SAG: variants seen among roughly 807,000 people sequenced by gnomAD.
The protein encoded by SAG is S-antigen visual arrestin, also known as S-arrestin.
In SAG, 45 loss-of-function variants were observed where a neutral mutation model predicts 55.0. The observed-to-expected ratio is 0.82, with a 90% CI of 0.64 to 1.05. SAG has a LOEUF of 1.05. Ranked by LOEUF, SAG falls within the 50% of genes least tolerant of loss-of-function variation. The pLI is 0.00. For synonymous variants in SAG, 189 were observed against 197.4 expected (o/e 0.96, Z 0.36); for missense variants, 455 against 512.1 (o/e 0.89, Z 1.08).
chr2:233,329,141 T>C lies in SAG; in HGVS notation c.649-352T>C, dbSNP rs535797727. The C allele has an allele frequency of 1.1e-3, 241 of 211,724 alleles. 1 individual carries two copies. The African/African-American group carries it at 0.019, about 17-fold the overall frequency. The allele number at this position is 211,724 out of a possible 1,614,324, so 13.1% of individuals were successfully genotyped here. A position where few individuals can be genotyped will look rare whatever the true frequency, so the allele number is the denominator to read the frequency against. ...CATTTGTGCACTGTGTGTATACACGTGTGTGGGTGTGCCAGGGGCTGTGTT... is the reference window on the plus strand; with the variant it reads ...CATTTGTGCACTGTGTGTATACACGCGTGTGGGTGTGCCAGGGGCTGTGTT... On this transcript the variant is annotated intron_variant, in intron 8 of 15. Coordinates refer to ENST00000409110, the MANE Select transcript of SAG (RefSeq NM_000541.5).
At chr2:233,322,215 T>G (rs926360603) in intron 5 of SAG, among the ~76,000 whole-genome samples, 3 of 150,366 alleles carry the variant, frequency 2.0e-5, no homozygotes, top group Non-Finnish European at 3.0e-5. Context: ...AAAAAGTGCT[T>G]CTCTTTCTAG....
intron 10 of SAG, chr2:233,331,931 A>C (rs979492017): frequency 4.2e-5 from 24 of 565,764 alleles, no homozygotes; most frequent in Non-Finnish European, 6.6e-5. Context: ...TCTGAGGATT[A>C]ATGCAAGCCA....
rs371555406 is a variant in SAG, at chr2:233,331,626, T to C, written c.734-14T>C. 37 of 1,604,340 alleles carry C rather than the reference T, an allele frequency of 2.3e-5. No individual in the cohort carries two copies. In the African/African-American group the frequency reaches 4.5e-4, roughly 20 times the overall value. On this transcript the variant is annotated splice_polypyrimidine_tract_variant and intron_variant, in intron 9 of 15. Coordinates refer to ENST00000409110, the MANE Select transcript of SAG (RefSeq NM_000541.5). ...ACCAGTGCTGACCACCGGACTCCCG[T>C]CTTCCCCTTGCAGTGGAACAGGTGG...
In SAG at chr2:233,340,550, C is replaced by T. The variant is rs1053467925; in HGVS notation, c.1046+72C>T. ...AGGCAGCAAACTTGGGGCTCCAAAA[C>T]GGTTTCTGATGAAAGCTGCTTTCTG... On this transcript the variant is annotated intron_variant, in intron 13 of 15. Coordinates refer to ENST00000409110, the MANE Select transcript of SAG (RefSeq NM_000541.5). The surrounding 1 kb of genome is among the most constrained non-coding windows in gnomAD (Gnocchi z 4.2). 99 of 1,261,024 alleles carry T rather than the reference C, an allele frequency of 7.9e-5. No individual in the cohort carries two copies. In the East Asian group the frequency reaches 1.3e-3, roughly 17 times the overall value. The allele number at this position is 1,261,024 out of a possible 1,614,324, so 78.1% of individuals were successfully genotyped here. A position where few individuals can be genotyped will look rare whatever the true frequency, so the allele number is the denominator to read the frequency against.
chr2:233,331,593 G>GT, intron 9 of SAG, 47 bp from the exon 10 acceptor site: 1 of 1,275,196 alleles, frequency 7.8e-7, no homozygotes, highest in South Asian at 1.2e-5. Flanking sequence ...AAGTGCACGT[G>GT]TTGGGGGACC....
chr2:233,326,862 G>A (rs1200773149), intron 6 of SAG, among the ~76,000 whole-genome samples: 3 of 152,202 alleles, frequency 2.0e-5, no homozygotes, highest in African/African-American at 7.2e-5. Flanking sequence ...GACTCTCCAC[G>A]GCAGCAGGAG....
At chr2:233,313,892 G>A (rs78386595) in intron 2 of SAG, among the ~76,000 whole-genome samples, 98 of 151,168 alleles carry the variant, frequency 6.5e-4, no homozygotes, top group African/African-American at 2.2e-3. Flanking sequence ...AAAAGGGGCT[G>A]TTTGCTAGGG....
At chr2:233,346,245 G>A (rs1268353744) in intron 14 of SAG, 158 bp from the exon 15 acceptor site, 7 of 658,806 alleles carry the variant, frequency 1.1e-5, no homozygotes, top group South Asian at 3.8e-5. Context: ...GGAATTACAC[G>A]CAGTGATCAT....
intron 3 of SAG, among the ~76,000 whole-genome samples, chr2:233,316,426 C>T (rs1320245332): frequency 6.6e-6 from 1 of 152,036 alleles, no homozygotes; most frequent in Non-Finnish European, 1.5e-5. Context: ...ATTCTTCTGC[C>T]TCAGCCTCCC....
Position 233,346,587 on chromosome 2 carries a change from C to T in SAG, c.1112+175C>T, listed in dbSNP as rs182098333. ...TGCTTACGGCACGCACGCACCATTA[C>T]ACTGGGTGTGCTTGCTCACTCTGCG... On this transcript the variant is annotated intron_variant, in intron 15 of 15. Coordinates refer to ENST00000409110, the MANE Select transcript of SAG (RefSeq NM_000541.5). Among the ~76,000 whole-genome samples the T allele has an allele frequency of 3.0e-4, 46 of 152,364 alleles. No homozygotes were observed. The East Asian group carries it at 4.4e-3, about 15-fold the overall frequency.
At chr2:233,308,185 T>C (rs1294437781) in intron 1 of SAG, among the ~76,000 whole-genome samples, 163 bp downstream of exon 1, 1 of 152,152 alleles carries the variant, frequency 6.6e-6, no homozygotes, top group African/African-American at 2.4e-5. Context: ...AGTGAGCGGG[T>C]GCAATGGCTC....
At position 233,319,864 on chromosome 2, in the gene SAG, C is replaced by T. The variant is rs911526449; in HGVS notation, c.182-766C>T. On this transcript the variant is annotated intron_variant, in intron 4 of 15. Coordinates refer to ENST00000409110, the MANE Select transcript of SAG (RefSeq NM_000541.5). The surrounding 1 kb of genome is among the most constrained non-coding windows in gnomAD (Gnocchi z 4.4). ...CTGAGTCAGCAGCGAAGGGCAGTTACCTTTGGGGCTTGCAGGCAAAATTCT... is the reference window on the plus strand; with the variant it reads ...CTGAGTCAGCAGCGAAGGGCAGTTATCTTTGGGGCTTGCAGGCAAAATTCT... 1.0e-6 allele frequency: 1 copy of T among 985,774 alleles called. No individual in the cohort carries two copies. The highest frequency in any genetic ancestry group is 1.2e-6 in the Non-Finnish European group (1 of 829,948). 61.1% of individuals were successfully genotyped at this position (985,774 alleles called of 1,614,324 possible).
intron 5 of SAG, 30 bp from the exon 6 acceptor site, chr2:233,322,915 TA>T: frequency 7.3e-7 from 1 of 1,364,680 alleles, no homozygotes; most frequent in Non-Finnish European, 1.0e-6. Flanking sequence ...CCTTCTGAAA[TA>T]AATGATTTTT....
chr2:233,322,036 C>T (rs866854686), intron 5 of SAG, among the ~76,000 whole-genome samples: 1 of 126,596 alleles, frequency 7.9e-6, no homozygotes, highest in Non-Finnish European at 1.7e-5. Flanking sequence ...CACACACACA[C>T]ATTAGTCAGG....
chr2:233,333,915 T>G (rs1700846381), intron 10 of SAG: 1 of 152,222 alleles, frequency 6.6e-6, no homozygotes, highest in Non-Finnish European at 1.5e-5. Context: ...GGACAGCTGC[T>G]TTTACCTATC....
chr2:233,309,179 G>A lies in SAG; in HGVS notation c.-11G>A, dbSNP rs754551985. 39 of 1,612,656 alleles carry A rather than the reference G, an allele frequency of 2.4e-5. No individual in the cohort carries two copies. Among genetic ancestry groups the A allele is most frequent in the Middle Eastern group, 3.3e-4 (2 of 6,080 alleles). On this transcript the variant is annotated 5_prime_UTR_variant, in exon 2 of 16. Transcript: ENST00000409110. Reference sequence around the variant, plus strand: ...ACCCCAAGGTGGTAGAAGTTGCCAGGGACAGATAACATGGCAGCCAGCGGG... The same window carrying A: ...ACCCCAAGGTGGTAGAAGTTGCCAGAGACAGATAACATGGCAGCCAGCGGG...
rs145055005 is a variant in SAG, at chr2:233,339,337, CAAATT to C, written c.1022+585_1022+589del. Among the ~76,000 whole-genome samples the C allele has an allele frequency of 7.8e-3, 1,181 of 152,324 alleles. 9 individuals carry two copies. Among genetic ancestry groups the C allele is most frequent in the Non-Finnish European group, 0.014 (928 of 68,034 alleles). On this transcript the variant is annotated intron_variant, in intron 12 of 15. Coordinates refer to ENST00000409110, the MANE Select transcript of SAG (RefSeq NM_000541.5). ...AAAACTTGAATTCTCATTTTCGTTT[CAAATT>C]CCATTGCCAAAGGCTCTGGCCTTTT...
intron 7 of SAG, chr2:233,328,137 C>T: frequency 4.3e-6 from 1 of 229,924 alleles, no homozygotes; most frequent in Non-Finnish European, 8.4e-6. Context: ...ATGTATATGG[C>T]AGCTATTCCA....
chr2:233,309,416 G>A (rs996922038), intron 2 of SAG, 152 bp downstream of exon 2: 15 of 639,212 alleles, frequency 2.3e-5, no homozygotes, highest in African/African-American at 5.5e-5. Context: ...TTTGGGAGGC[G>A]GAGGCGGGAT....
Sources: allele counts gnomAD v4.1 joint callset (sites outside exome capture counted in the v4.1 genomes callset), GRCh38; gene constraint gnomAD v4.1.1; non-coding constraint Gnocchi (gnomAD v3.1); transcripts MANE v1.5; gene names NCBI Gene and HGNC (gene_info 2026-07-23, HGNC 2026-07-21).